The following DENND2D variants were observed in gnomAD, a reference collection of about 807,000 sequenced individuals.
DENND2D encodes DENN domain-containing protein 2D.
A neutral mutation model predicts 59.8 loss-of-function variants in DENND2D; 37 were observed. The ratio of observed to expected loss-of-function variants is 0.62; its 90% CI spans 0.48 to 0.81. DENND2D has a LOEUF of 0.81. Ranked by LOEUF, DENND2D falls within the 40% of genes least tolerant of loss-of-function variation. The pLI, the probability that DENND2D is intolerant of heterozygous loss-of-function variation, is 0.00. For synonymous variants in DENND2D, 219 were observed against 211.3 expected (o/e 1.04, Z -0.31); for missense variants, 525 against 579.7 (o/e 0.91, Z 0.97).
At chr1:111,197,602 C>T (rs1658366235) in intron 4 of DENND2D, 1 of 1,353,652 alleles carries the variant, frequency 7.4e-7, no homozygotes, top group Non-Finnish European at 9.5e-7. Context: ...TTGTCCAAGT[C>T]CCAGCCTCTG....
chr1:111,198,064 G>C lies in DENND2D; in HGVS notation c.357-75C>G, dbSNP rs147042854. The C allele has an allele frequency of 1.6e-5, 24 of 1,481,904 alleles. 2 individuals are homozygous for C. In the African/African-American group the frequency reaches 2.9e-4, roughly 18 times the overall value. 91.8% of individuals were successfully genotyped at this position (1,481,904 alleles called of 1,614,324 possible). On this transcript the variant is annotated intron_variant, in intron 3 of 11. Coordinates refer to ENST00000357640, the MANE Select transcript of DENND2D (RefSeq NM_024901.5). ...AACAGGAAAGTGGTCAGCACTAGAG[G>C]GTGGAGAGGAGGGCAAAGGGGAGTT...
At chr1:111,198,522 G>T in intron 3 of DENND2D, 108 bp downstream of exon 3, 3 of 1,116,216 alleles carry the variant, frequency 2.7e-6, no homozygotes, top group Non-Finnish European at 4.0e-6. Context: ...ACACTCCCAG[G>T]CCGAAAATCA....
At position 111,187,592 on chromosome 1, in the gene DENND2D, T is replaced by C. The variant is rs374403173; in HGVS notation, c.*13A>G. On this transcript the variant is annotated 3_prime_UTR_variant, in exon 12 of 12. Coordinates refer to ENST00000357640, the MANE Select transcript of DENND2D (RefSeq NM_024901.5). ...TGGTGTGTAGCTCTAGTCATTCTTA[T>C]TCACCACAGCTCTTATTTCACAGTT... 132 of 1,607,670 alleles carry C rather than the reference T, an allele frequency of 8.2e-5. No homozygotes were observed. The highest frequency in any genetic ancestry group is 5.3e-4 in the African/African-American group (40 of 74,796).
chr1:111,198,087 G>A (rs867608614), intron 3 of DENND2D, 98 bp from the exon 4 acceptor site: 1 of 1,175,362 alleles, frequency 8.5e-7, no homozygotes, highest in East Asian at 2.5e-5. Flanking sequence ...GCAAAGGGGA[G>A]TTGCTGATTA....
upstream of DENND2D, among the ~76,000 whole-genome samples, chr1:111,203,345 G>C (rs1031818920): frequency 1.3e-5 from 2 of 152,202 alleles, no homozygotes; most frequent in African/African-American, 4.8e-5. Context: ...GGGCTCACTT[G>C]GCCTCCTGGC....
chr1:111,186,522 AG>A lies in DENND2D; in HGVS notation c.*1082del, dbSNP rs1479338981. 6.6e-6 allele frequency among the ~76,000 whole-genome samples: 1 copy of A among 152,210 alleles called. No homozygotes were observed. Among genetic ancestry groups the A allele is most frequent in the African/African-American group, 2.4e-5 (1 of 41,454 alleles). On this transcript the variant is annotated 3_prime_UTR_variant, in exon 12 of 12. Transcript: ENST00000357640. Reference sequence around the variant, plus strand: ...GGGCCACAAATACACACATTAAAAAAGGTAGAATTTTTGAAGATAAGATTCT... The same window carrying A: ...GGGCCACAAATACACACATTAAAAAAGTAGAATTTTTGAAGATAAGATTCT...
At chr1:111,192,633 C>T (rs1657887164) in intron 7 of DENND2D, among the ~76,000 whole-genome samples, 2 of 152,292 alleles carry the variant, frequency 1.3e-5, no homozygotes, top group East Asian at 3.9e-4. Context: ...GAGTTGCTTT[C>T]ATTCAAGGAG....
intron 8 of DENND2D, among the ~76,000 whole-genome samples, chr1:111,190,339 T>C: frequency 6.6e-6 from 1 of 152,022 alleles, no homozygotes. Flanking sequence ...GGACCTGAGT[T>C]TTAGCACTGG....
chr1:111,190,990 G>A (rs565931025), intron 8 of DENND2D, among the ~76,000 whole-genome samples: 1 of 152,200 alleles, frequency 6.6e-6, no homozygotes, highest in Non-Finnish European at 1.5e-5. Flanking sequence ...ATTATTGTCT[G>A]TGGAGTAATC....
At chr1:111,200,791 GAAAGGCCTGGCTACTT>G, upstream of DENND2D, 1 of 1,066,472 alleles carries the variant, frequency 9.4e-7, no homozygotes, top group South Asian at 1.8e-5. Context: ...AAAGTAGCCG[GAAAGGCCTGGCTACTT>G]ATGGGCTAAG....
chr1:111,188,821 A>G (rs1359203938), intron 9 of DENND2D, 35 bp from the exon 10 acceptor site: 3 of 1,593,182 alleles, frequency 1.9e-6, no homozygotes, highest in Non-Finnish European at 2.6e-6. Context: ...TCAAGCAGGA[A>G]GGAAGTGTGG....
rs1483576242 is a variant in DENND2D, at chr1:111,188,379, G to A, written c.1100-9C>T. The A allele has an allele frequency of 6.8e-6, 11 of 1,612,288 alleles. No homozygotes were observed. The highest frequency in any genetic ancestry group is 9.3e-6 in the Non-Finnish European group (11 of 1,179,372). On this transcript the variant is annotated splice_polypyrimidine_tract_variant and intron_variant, in intron 10 of 11. Transcript: ENST00000357640. ...GTTGATTTGTTCTGCAGCTGCAGGA[G>A]ATATAAAGGCCATCTCAGAGGGTAG...
rs569515674 is a variant in DENND2D at position 111,186,769 on chromosome 1, T to TAA, written c.*834_*835dup. 6.8e-4 allele frequency among the ~76,000 whole-genome samples: 103 copies of TAA among 152,242 alleles called. 1 individual carries two copies. Among genetic ancestry groups the TAA allele is most frequent in the African/African-American group, 1.2e-3 (49 of 41,536 alleles). On this transcript the variant is annotated 3_prime_UTR_variant, in exon 12 of 12. Coordinates refer to ENST00000357640, the MANE Select transcript of DENND2D (RefSeq NM_024901.5). Reference sequence around the variant, plus strand: ...GAGGTAGGATGTCCAAGACTGAAGGTAAAGGACTAGTGCAAACTGAAAGTG... The same window carrying TAA: ...GAGGTAGGATGTCCAAGACTGAAGGTAAAAAGGACTAGTGCAAACTGAAAGTG...
At position 111,197,945 on chromosome 1, in the gene DENND2D, T is replaced by C. The variant is rs1658406081; in HGVS notation, c.401A>G (p.Lys134Arg). The C allele has an allele frequency of 1.2e-6, 2 of 1,613,940 alleles. No individual in the cohort carries two copies. Among genetic ancestry groups the C allele is most frequent in the African/African-American group, 2.7e-5 (2 of 74,914 alleles). Reference protein sequence around the residue: ...FVLTNVDGSRKIGYCRRLLPA... With the variant: ...FVLTNVDGSRRIGYCRRLLPA... ...CAAGAGGCGCCTGCAGTATCCAATC[T>C]TTCTGCTCCCATCCACATTGGTCAG... Residue 134 changes from lysine (K) to arginine (R), a missense_variant, in exon 4 of 12, where the codon AAG (lysine) becomes AGG (arginine). Lys to Arg is a conservative substitution (Grantham distance 26). Transcript: ENST00000357640.
At position 111,192,217 on chromosome 1, in the gene DENND2D, C is replaced by T. The variant is rs749813179; in HGVS notation, c.895G>A (p.Val299Ile). 1.4e-5 allele frequency: 23 copies of T among 1,613,896 alleles called. No individual in the cohort carries two copies. The highest frequency in any genetic ancestry group is 5.0e-5 in the Admixed American group (3 of 60,008). Residue 299 changes from valine (V) to isoleucine (I), a missense_variant, in exon 8 of 12, where the codon GTC becomes ATC. Val to Ile is a conservative substitution (Grantham distance 29). This residue lies in a region of DENND2D where 225 missense variants were observed against 252.4 expected (regional missense o/e 0.89). Coordinates refer to ENST00000357640, the MANE Select transcript of DENND2D (RefSeq NM_024901.5). ...PVVPESLLAT[V>I]CCPTPFMVGV... ...ACCATGAAGGGGGTGGGGCAGCAGACGGTGGCCAGAAGGCTCTCAGGGACA... is the reference window on the plus strand; with the variant it reads ...ACCATGAAGGGGGTGGGGCAGCAGATGGTGGCCAGAAGGCTCTCAGGGACA...
At chr1:111,199,529 G>A (rs535839043) in intron 2 of DENND2D, 94 bp downstream of exon 2, 67 of 1,434,026 alleles carry the variant, frequency 4.7e-5, no homozygotes, top group African/African-American at 3.3e-4. Context: ...CTCAAGCCCC[G>A]GTAGGGTAGG....
rs1403288513 is a variant in DENND2D, at chr1:111,186,458, A to C, written c.*1147T>G. On this transcript the variant is annotated 3_prime_UTR_variant, in exon 12 of 12. Coordinates refer to ENST00000357640, the MANE Select transcript of DENND2D (RefSeq NM_024901.5). ...AGTATGCCCGGTTCCACCCTCCAGA[A>C]ACTTTTGTGTTCTTTGTATAGAATT... 6.6e-6 allele frequency among the ~76,000 whole-genome samples: 1 copy of C among 152,140 alleles called. No homozygotes were observed. Among genetic ancestry groups the C allele is most frequent in the Non-Finnish European group, 1.5e-5 (1 of 68,024 alleles).
chr1:111,198,859 T>C lies in DENND2D; in HGVS notation c.244-117A>G. The stretch of plus-strand genomic sequence containing the variant: ...CTAAAGCAGTCTAGGGTTAAGCTTC[T>C]CCACTAGCATAGGGGCGAAGGGTGC... On this transcript the variant is annotated intron_variant, in intron 2 of 11. Transcript: ENST00000357640. The C allele has an allele frequency of 7.2e-6, 7 of 977,122 alleles. No homozygotes were observed. In the South Asian group the frequency reaches 1.0e-4, roughly 14 times the overall value. 60.5% of individuals were successfully genotyped at this position (977,122 alleles called of 1,614,324 possible).
upstream of DENND2D, among the ~76,000 whole-genome samples, chr1:111,202,835 G>C (rs1658945532): frequency 6.6e-6 from 1 of 152,112 alleles, no homozygotes; most frequent in African/African-American, 2.4e-5. Context: ...ATATGCTCCT[G>C]GCCCTACAAG....
Sources: gnomAD v4.1 joint callset for allele counts (sites outside exome capture counted in the v4.1 genomes callset) on GRCh38, gnomAD v4.1.1 for gene constraint, gnomAD v4.1.1 regional missense constraint, MANE v1.5 for transcripts, NCBI Gene and HGNC (gene_info 2026-07-23, HGNC 2026-07-21) for gene names.